DUS2: variants seen among roughly 807,000 people sequenced by gnomAD.
The protein encoded by DUS2 is dihydrouridine synthase 2.
DUS2 carries 52 observed loss-of-function variants against 71.3 expected under a neutral mutation model. The ratio of observed to expected loss-of-function variants is 0.73; its 90% CI spans 0.58 to 0.92. DUS2 has a LOEUF of 0.92. Ranked by LOEUF, DUS2 falls within the 40% of genes least tolerant of loss-of-function variation. DUS2 has a pLI of 0.00. For synonymous variants in DUS2, 204 were observed against 227.8 expected (o/e 0.90, Z 0.94); for missense variants, 558 against 622.6 (o/e 0.90, Z 1.10).
chr16:68,056,601 C>T (rs149377355), intron 7 of DUS2, among the ~76,000 whole-genome samples, 177 bp downstream of exon 7: 104 of 151,960 alleles, frequency 6.8e-4, no homozygotes, highest in African/African-American at 2.2e-3. Context: ...AGTATATTAG[C>T]TAAATATACT....
intron 2 of DUS2, 44 bp from the exon 3 acceptor site, chr16:68,037,962 T>C: frequency 3.1e-6 from 5 of 1,591,850 alleles, no homozygotes; most frequent in Non-Finnish European, 4.3e-6. Context: ...GGAGAGATTT[T>C]CTTCATTTGA....
chr16:68,032,200 CCT>C (rs1019612677), intron 2 of DUS2, among the ~76,000 whole-genome samples: 1 of 152,142 alleles, frequency 6.6e-6, no homozygotes, highest in Non-Finnish European at 1.5e-5. Context: ...GTGTCAGGCA[CCT>C]CTGACTGAGT....
At chr16:68,078,718 C>T (rs757401364) in intron 16 of DUS2, 31 bp from the exon 17 acceptor site, 2 of 1,582,356 alleles carry the variant, frequency 1.3e-6, no homozygotes, top group Admixed American at 1.7e-5. Context: ...CTGCACCCTG[C>T]CCCTCACCTT....
At chr16:68,058,933 T>C (rs377617800) in intron 7 of DUS2, among the ~76,000 whole-genome samples, 2 of 152,296 alleles carry the variant, frequency 1.3e-5, no homozygotes, top group East Asian at 3.9e-4. Context: ...AGATTGAGGC[T>C]GGGCTTGGTG....
At chr16:68,026,024 T>C (rs992281484) in intron 2 of DUS2, among the ~76,000 whole-genome samples, 3 of 152,206 alleles carry the variant, frequency 2.0e-5, no homozygotes, top group African/African-American at 7.2e-5. Context: ...AAGGTCTTGC[T>C]CTGTCACCCA....
At chr16:68,061,140 G>T in intron 8 of DUS2, 27 bp downstream of exon 8, 2 of 1,612,938 alleles carry the variant, frequency 1.2e-6, no homozygotes, top group African/African-American at 1.3e-5. Flanking sequence ...TGAAAGCAGG[G>T]GTCCTCAAAC....
chr16:68,056,298 C>T, intron 6 of DUS2, 66 bp from the exon 7 acceptor site: 1 of 1,405,452 alleles, frequency 7.1e-7, no homozygotes, highest in East Asian at 2.3e-5. Context: ...CCCATCCATG[C>T]CTTTAATTTC....
intron 11 of DUS2, 125 bp downstream of exon 11, chr16:68,070,345 C>T (rs530882550): frequency 1.2e-6 from 1 of 820,612 alleles, no homozygotes; most frequent in Non-Finnish European, 2.0e-6. Context: ...GGGCTTTCCA[C>T]AAGACCCCAG....
rs1218515641 is a variant in DUS2, at chr16:68,035,921, TATATATATAC to T, written c.-18-2083_-18-2074del. Reference sequence around the variant, plus strand: ...ATATATATATATATATATATATATATATATATATACACACATACATACACATATATATACA... The same window carrying T: ...ATATATATATATATATATATATATATACACATACATACACATATATATACA... On this transcript the variant is annotated intron_variant, in intron 2 of 16. Transcript: ENST00000565263. Among the ~76,000 whole-genome samples the T allele has an allele frequency of 5.3e-4, 52 of 97,860 alleles. 1 individual carries two copies. The highest frequency in any genetic ancestry group is 1.6e-3 in the African/African-American group (38 of 24,106). The allele number at this position is 97,860 out of a possible 152,430, so 64.2% of individuals were successfully genotyped here.
intron 3 of DUS2, among the ~76,000 whole-genome samples, chr16:68,047,203 G>A (rs1406381402): frequency 4.0e-5 from 6 of 150,386 alleles, no homozygotes; most frequent in East Asian, 2.0e-4. Context: ...TTACGGGCAC[G>A]TGCCACCACG....
chr16:68,079,128 A>G lies in DUS2; in HGVS notation c.*142A>G, dbSNP rs2034202541. On this transcript the variant is annotated 3_prime_UTR_variant, in exon 17 of 17. Transcript: ENST00000565263. ...ATGTCCTGGCAGGGGCCATCAGCCT[A>G]GAGCATGGACCAGGGGCCGCCCAGG... 2.5e-6 allele frequency: 2 copies of G among 803,840 alleles called. No homozygotes were observed. Among genetic ancestry groups the G allele is most frequent in the African/African-American group, 3.5e-5 (2 of 57,818 alleles). The allele number at this position is 803,840 out of a possible 1,614,324, so 49.8% of individuals were successfully genotyped here. A position where few individuals can be genotyped will look rare whatever the true frequency, so the allele number is the denominator to read the frequency against.
intron 2 of DUS2, among the ~76,000 whole-genome samples, chr16:68,035,887 TATA>T (rs1567470040): frequency 0.019 from 53 of 2,738 alleles, no homozygotes; most frequent in Admixed American, 0.054. Flanking sequence ...GCTAATTTTA[TATA>T]TATATATATA....
chr16:68,051,342 T>A (rs1048855314), intron 4 of DUS2, among the ~76,000 whole-genome samples: 1 of 152,222 alleles, frequency 6.6e-6, no homozygotes. Flanking sequence ...GGTCATATTT[T>A]CATCAACTTG....
rs1014005580 is a variant in DUS2 at position 68,066,238 on chromosome 16, G to A, written c.418-79G>A. On this transcript the variant is annotated intron_variant, in intron 8 of 16. Coordinates refer to ENST00000565263, the MANE Select transcript of DUS2 (RefSeq NM_017803.5). ...TTCATGCCACCGGAATGCACAGCCT[G>A]TAGCGGAGTTAATTAGTACAGGCAG... The A allele has an allele frequency of 6.1e-6, 8 of 1,313,444 alleles. No homozygotes were observed. The Admixed American group carries it at 1.0e-4, about 17-fold the overall frequency. 81.4% of individuals were successfully genotyped at this position (1,313,444 alleles called of 1,614,324 possible). A position where few individuals can be genotyped will look rare whatever the true frequency, so the allele number is the denominator to read the frequency against.
chr16:68,056,871 A>G (rs2033860658), intron 7 of DUS2, among the ~76,000 whole-genome samples: 1 of 144,854 alleles, frequency 6.9e-6, no homozygotes, highest in Admixed American at 7.1e-5. Flanking sequence ...TTTATATGTT[A>G]TATAATATAT....
Position 68,061,130 on chromosome 16 carries a change from TG to T in DUS2, c.417+18del, listed in dbSNP as rs1567478715. On this transcript the variant is annotated intron_variant, in intron 8 of 16. Transcript: ENST00000565263. ...ATTGAGAAGGTAAGTCCTCCACGAG[TG>T]AAAGCAGGGGTCCTCAAACACAGCT... 6.2e-7 allele frequency: 1 copy of T among 1,613,712 alleles called. No individual in the cohort carries two copies. Among genetic ancestry groups the T allele is most frequent in the South Asian group, 1.1e-5 (1 of 91,084 alleles).
chr16:68,030,598 A>G (rs2033422804), intron 2 of DUS2, among the ~76,000 whole-genome samples: 1 of 140,218 alleles, frequency 7.1e-6, no homozygotes, highest in Non-Finnish European at 1.5e-5. Context: ...CTCAAAAAAT[A>G]AATAAATAAA....
At chr16:68,067,215 C>T (rs1208631998) in intron 10 of DUS2, among the ~76,000 whole-genome samples, 2 of 14,748 alleles carry the variant, frequency 1.4e-4, no homozygotes, top group Non-Finnish European at 1.6e-4. Flanking sequence ...CTCCCATCTC[C>T]TCCCCTCTCC....
At chr16:68,031,148 ATCC>A (rs1431161736) in intron 2 of DUS2, among the ~76,000 whole-genome samples, 1 of 151,976 alleles carries the variant, frequency 6.6e-6, no homozygotes, top group Non-Finnish European at 1.5e-5. Flanking sequence ...TCTGGCTTTG[ATCC>A]TCTAGGAAAC....
Sources: allele counts gnomAD v4.1 joint callset (sites outside exome capture counted in the v4.1 genomes callset), GRCh38; gene constraint gnomAD v4.1.1; transcripts MANE v1.5; gene names NCBI Gene and HGNC (gene_info 2026-07-23, HGNC 2026-07-21).